TENM3: variants seen among roughly 807,000 people sequenced by gnomAD.
TENM3 encodes the protein teneurin-3.
A neutral mutation model predicts 255.1 loss-of-function variants in TENM3; 63 were observed. That is an observed-to-expected ratio of 0.25 (90% CI 0.20 to 0.30). The LOEUF (loss-of-function observed/expected upper bound fraction) is 0.30. TENM3 is among the 10% of genes least tolerant of loss of function. The probability of loss-of-function intolerance (pLI) is 1.00; values close to 1 mark genes in which losing one functional copy is unlikely to be tolerated. For missense variants in TENM3, 2,929 were observed against 3,461.1 expected, an observed-to-expected ratio of 0.85 and a Z score of 3.86; for synonymous variants, 1,306 against 1,322.3, an observed-to-expected ratio of 0.99 and a Z score of 0.27.
At chr4:181,569,383 G>A in the TENM3 span, among the ~76,000 whole-genome samples, 3 of 152,146 alleles carry the variant, frequency 2.0e-5, no homozygotes, top group Non-Finnish European at 4.4e-5. Context: ...CTATTATACT[G>A]CAAGTTGTTG....
chr4:181,995,059 C>T, the TENM3 span, among the ~76,000 whole-genome samples: 1 of 151,984 alleles, frequency 6.6e-6, no homozygotes, highest in Non-Finnish European at 1.5e-5. Context: ...GAAGCTGAGG[C>T]GGGTAGATCA....
chr4:181,555,264 G>A, the TENM3 span, among the ~76,000 whole-genome samples: 3 of 152,238 alleles, frequency 2.0e-5, no homozygotes, highest in Non-Finnish European at 2.9e-5. Context: ...TCGCAGACTG[G>A]TGCAACGCCA....
intron 1 of TENM3, among the ~76,000 whole-genome samples, chr4:182,174,898 T>G (rs1268548206): frequency 6.6e-6 from 1 of 152,086 alleles, no homozygotes; most frequent in Non-Finnish European, 1.5e-5. Context: ...AATTCCTTTT[T>G]TAAAGAAAAG....
chr4:181,453,755 A>G, the TENM3 span, among the ~76,000 whole-genome samples: 1 of 152,174 alleles, frequency 6.6e-6, no homozygotes, highest in Non-Finnish European at 1.5e-5. Context: ...ACTCCAACCA[A>G]TAACCTCCGT....
At chr4:182,757,227 G>A (rs989310031) in intron 22 of TENM3, among the ~76,000 whole-genome samples, 1 of 148,640 alleles carries the variant, frequency 6.7e-6, no homozygotes, top group African/African-American at 2.5e-5. Context: ...CAGAAGAATG[G>A]CATGAACCCG....
chr4:182,657,478 C>T (rs1023754657), intron 6 of TENM3, among the ~76,000 whole-genome samples: 43 of 152,148 alleles, frequency 2.8e-4, no homozygotes, highest in Non-Finnish European at 5.9e-4. Context: ...TTCATCTTTG[C>T]GGGGGTCCTC....
At chr4:182,527,423 G>A (rs1739317550) in intron 3 of TENM3, among the ~76,000 whole-genome samples, 1 of 151,186 alleles carries the variant, frequency 6.6e-6, no homozygotes, top group Non-Finnish European at 1.5e-5. Flanking sequence ...TCGTGATTGT[G>A]TTACTAAAAC....
intron 1 of TENM3, among the ~76,000 whole-genome samples, chr4:182,209,290 A>G (rs1408095675): frequency 6.6e-6 from 1 of 152,038 alleles, no homozygotes; most frequent in Non-Finnish European, 1.5e-5. Flanking sequence ...TTTAAAAAAA[A>G]AAAAAAAATC....
the TENM3 span, among the ~76,000 whole-genome samples, chr4:181,454,400 C>T: frequency 1.3e-5 from 2 of 152,062 alleles, no homozygotes; most frequent in Admixed American, 6.6e-5. Context: ...GGTAGTGTAG[C>T]CATCGTAATA....
At chr4:182,765,137 A>AG (rs1337432904) in intron 22 of TENM3, among the ~76,000 whole-genome samples, 1 of 151,986 alleles carries the variant, frequency 6.6e-6, no homozygotes, top group Non-Finnish European at 1.5e-5. Flanking sequence ...ATGTGATTAA[A>AG]AAAAAATGTC....
the TENM3 span, among the ~76,000 whole-genome samples, chr4:181,979,972 C>T: frequency 2.6e-5 from 4 of 152,202 alleles, no homozygotes; most frequent in African/African-American, 9.6e-5. Flanking sequence ...GTGAGTCACA[C>T]TGGATCTCAA....
chr4:182,628,575 C>T, intron 4 of TENM3, 76 bp from the exon 5 acceptor site: 1 of 918,624 alleles, frequency 1.1e-6, no homozygotes, highest in South Asian at 1.5e-5. Flanking sequence ...GACAGGAGAG[C>T]TAAATGCATC....
At chr4:182,207,540 C>A (rs892404623) in intron 1 of TENM3, among the ~76,000 whole-genome samples, 1 of 152,260 alleles carries the variant, frequency 6.6e-6, no homozygotes, top group Non-Finnish European at 1.5e-5. Context: ...AGCTGATGCT[C>A]CCCCTGCTTT....
At chr4:182,745,778 C>T (rs1414904897) in intron 19 of TENM3, among the ~76,000 whole-genome samples, 1 of 150,278 alleles carries the variant, frequency 6.7e-6, no homozygotes, top group Admixed American at 6.7e-5. Flanking sequence ...ATTTCACAAT[C>T]ATTTTACCTG....
chr4:182,133,616 C>T, the TENM3 span, among the ~76,000 whole-genome samples: 82,307 of 152,146 alleles, frequency 0.54, 22,867 homozygotes, highest in East Asian at 0.65. Context: ...AAAATGCCAT[C>T]TCAGTTTATA....
At chr4:182,385,945 C>A (rs1767887822) in intron 3 of TENM3, among the ~76,000 whole-genome samples, 1 of 152,118 alleles carries the variant, frequency 6.6e-6, no homozygotes, top group Non-Finnish European at 1.5e-5. Flanking sequence ...AAAATTGTGT[C>A]ATTTCTGATT....
At chr4:181,679,820 A>T in the TENM3 span, among the ~76,000 whole-genome samples, 3 of 152,288 alleles carry the variant, frequency 2.0e-5, no homozygotes, top group East Asian at 5.8e-4. Context: ...TGTTGGAAAT[A>T]AAGTGGGAGT....
the TENM3 span, among the ~76,000 whole-genome samples, chr4:181,807,066 G>A: frequency 6.9e-4 from 105 of 152,228 alleles, no homozygotes; most frequent in South Asian, 2.7e-3. Flanking sequence ...TTTCTAGGAA[G>A]TTTCCCGTCT....
At chr4:182,102,666 C>T in the TENM3 span, among the ~76,000 whole-genome samples, 1 of 152,082 alleles carries the variant, frequency 6.6e-6, no homozygotes, top group Admixed American at 6.6e-5. Context: ...GAGTGTGAGA[C>T]AAAATACAAA....
Sources: allele counts gnomAD v4.1 joint callset (sites outside exome capture counted in the v4.1 genomes callset), GRCh38; gene constraint gnomAD v4.1.1; transcripts MANE v1.5; gene names NCBI Gene and HGNC (gene_info 2026-07-23, HGNC 2026-07-21).